The following METRNL variants were observed in gnomAD, a reference collection of about 807,000 sequenced individuals.
The protein encoded by METRNL is meteorin like, glial cell differentiation regulator.
A neutral mutation model predicts 17.4 loss-of-function variants in METRNL; 9 were observed. The ratio of observed to expected loss-of-function variants is 0.52; its 90% CI spans 0.31 to 0.90. The LOEUF is 0.90. METRNL is among the 40% of genes least tolerant of loss of function. The pLI is 0.05. For synonymous variants in METRNL, 215 were observed against 199.3 expected (o/e 1.08, Z -0.66); for missense variants, 408 against 430.7 (o/e 0.95, Z 0.47).
chr17:83,082,338 T>C, intron 1 of METRNL: 1 of 840,880 alleles, frequency 1.2e-6, no homozygotes, highest in South Asian at 5.4e-5. Context: ...GTGTGTGGGC[T>C]GGTGCCTCAA....
chr17:83,091,491 G>A (rs2038136282), intron 2 of METRNL, among the ~76,000 whole-genome samples: 1 of 152,240 alleles, frequency 6.6e-6, no homozygotes, highest in Non-Finnish European at 1.5e-5. Context: ...ACATGTGCAG[G>A]CCCTGAGGGT....
intron 2 of METRNL, among the ~76,000 whole-genome samples, chr17:83,092,722 C>T (rs1284825328): frequency 6.6e-6 from 1 of 152,158 alleles, no homozygotes; most frequent in Non-Finnish European, 1.5e-5. Context: ...TTCGGTTCAG[C>T]CCCAGTGGGC....
chr17:83,090,987 G>A lies in METRNL; in HGVS notation c.557-2180G>A, dbSNP rs1239699914. On this transcript the variant is annotated intron_variant, in intron 2 of 3. Coordinates refer to ENST00000320095, the MANE Select transcript of METRNL (RefSeq NM_001004431.3). ...TAGGTGAACTAAGTGTCAAGGGTGG[G>A]CCACACCCCGGGGCCCCCATAGGAG... is the stretch of plus-strand genomic sequence containing the variant. Among the ~76,000 whole-genome samples, 10 of 152,276 alleles carry A rather than the reference G, an allele frequency of 6.6e-5. No homozygotes were observed. The East Asian group carries it at 9.7e-4, about 15-fold the overall frequency.
At chr17:83,081,977 G>A in intron 1 of METRNL, 1 of 559,430 alleles carries the variant, frequency 1.8e-6, no homozygotes, top group Non-Finnish European at 2.3e-6. Context: ...CTGGTGTGCT[G>A]GGTGGATTCT....
chr17:83,092,579 GCGAC>G (rs2038151799), intron 2 of METRNL: 9 of 118,016 alleles, frequency 7.6e-5, no homozygotes, highest in African/African-American at 2.3e-4. Flanking sequence ...TGGGTTGGGG[GCGAC>G]TCTGGGAGGT....
At chr17:83,093,734 G>A (rs1452692675) in intron 3 of METRNL, among the ~76,000 whole-genome samples, 2 of 152,156 alleles carry the variant, frequency 1.3e-5, no homozygotes, top group South Asian at 4.1e-4. Context: ...CGCCCTGTGG[G>A]AAAGGTTTGG....
chr17:83,092,604 CCGGCGCCG>C (rs2038152241), intron 2 of METRNL: 1 of 57,928 alleles, frequency 1.7e-5, no homozygotes, highest in Admixed American at 2.0e-4. Flanking sequence ...GGGGGTGCTC[CCGGCGCCG>C]TGGGCTGTGG....
chr17:83,089,996 T>TCGGC (rs1208202651), intron 2 of METRNL, among the ~76,000 whole-genome samples: 1 of 151,716 alleles, frequency 6.6e-6, no homozygotes, highest in East Asian at 1.9e-4. Context: ...ATCCTCCCCC[T>TCGGC]CGGCCGTCCG....
rs140157949 is a variant in METRNL, at chr17:83,082,295, C to T, written c.170+2310C>T. 1,497 of 979,978 alleles carry T rather than the reference C, an allele frequency of 1.5e-3. 10 individuals carry two copies. The African/African-American group carries it at 0.02, about 13-fold the overall frequency. 60.7% of individuals were successfully genotyped at this position (979,978 alleles called of 1,614,324 possible). A position where few individuals can be genotyped will look rare whatever the true frequency, so the allele number is the denominator to read the frequency against. ...GCCCTTCCTGACTTTCATACAGGAG[C>T]CGGGCATTTTGTCCTGGTGACCCAG... On this transcript the variant is annotated intron_variant, in intron 1 of 3. Coordinates refer to ENST00000320095, the MANE Select transcript of METRNL (RefSeq NM_001004431.3).
intron 1 of METRNL, chr17:83,084,496 C>G (rs1005965596): frequency 1.2e-5 from 2 of 172,226 alleles, no homozygotes; most frequent in Non-Finnish European, 2.5e-5. Context: ...TGTGATACTC[C>G]GTGATATTCT....
At chr17:83,088,058 G>A (rs544741133) in intron 2 of METRNL, among the ~76,000 whole-genome samples, 31 of 152,324 alleles carry the variant, frequency 2.0e-4, no homozygotes, top group Middle Eastern at 3.4e-3. Context: ...AGAGTTGGCC[G>A]GAACACGGGG....
chr17:83,082,748 T>C (rs914566791), intron 1 of METRNL, among the ~76,000 whole-genome samples: 1 of 152,250 alleles, frequency 6.6e-6, no homozygotes, highest in Non-Finnish European at 1.5e-5. Context: ...GCACTCGATT[T>C]TCTGGTAGGA....
chr17:83,094,305 C>T lies in METRNL; in HGVS notation c.666C>T (p.Asp222=). 7 of 1,594,622 alleles carry T rather than the reference C, an allele frequency of 4.4e-6. No homozygotes were observed. The highest frequency in any genetic ancestry group is 6.0e-6 in the Non-Finnish European group (7 of 1,165,650). The change falls in exon 4 of 4, where the codon GAC becomes GAT. Residue 222 remains aspartate, a synonymous_variant. Coordinates refer to ENST00000320095, the MANE Select transcript of METRNL (RefSeq NM_001004431.3). ...TTACCCACGAGCCTGAGCGGCAGGA[C>T]TCAGCCATCCACCTGCGCGTGAGCA... ...QQVTHEPERQ[D]SAIHLRVSRL...
rs4072444 is a variant in METRNL at position 83,090,957 on chromosome 17, C to T, written c.557-2210C>T. ...CCCAGCCGGCGAGTGGGATGGGGGT[C>T]CACATAGGTGAACTAAGTGTCAAGG... On this transcript the variant is annotated intron_variant, in intron 2 of 3. Coordinates refer to ENST00000320095, the MANE Select transcript of METRNL (RefSeq NM_001004431.3). Among the ~76,000 whole-genome samples, 656 of 152,286 alleles carry T rather than the reference C, an allele frequency of 4.3e-3. 2 individuals carry two copies. The highest frequency in any genetic ancestry group is 0.023 in the South Asian group (109 of 4,828).
Position 83,094,465 on chromosome 17 carries a change from C to G in METRNL, c.826C>G (p.His276Asp), listed in dbSNP as rs757845529. Residue 276 changes from histidine (H) to aspartate (D), a missense_variant, in exon 4 of 4, where the codon CAC (histidine) becomes GAC (aspartate). Transcript: ENST00000320095. The stretch of plus-strand genomic sequence containing the variant: ...CGACTTCCTCTTCACTGGCCACATG[C>G]ACTTCGGGGAGGCGCGGCTCGGCTG... The part of the protein sequence containing the change: ...HGDFLFTGHM[H>D]FGEARLGCAP... The G allele has an allele frequency of 6.3e-7, 1 of 1,590,234 alleles. No individual in the cohort carries two copies. Among genetic ancestry groups the G allele is most frequent in the Non-Finnish European group, 8.6e-7 (1 of 1,162,892 alleles).
intron 2 of METRNL, among the ~76,000 whole-genome samples, chr17:83,089,079 C>CTA (rs72138161): frequency 0.47 from 71,010 of 151,832 alleles, 17,011 homozygotes; most frequent in East Asian, 0.68. Flanking sequence ...AGGGCAGGGG[C>CTA]TATGGGGCCA....
intron 1 of METRNL, chr17:83,082,381 T>G: frequency 2.5e-6 from 1 of 393,530 alleles, no homozygotes; most frequent in Non-Finnish European, 3.5e-6. Context: ...CCCCCTTCAG[T>G]GAGTCCCTTT....
At chr17:83,087,596 A>C (rs1188405241) in intron 2 of METRNL, among the ~76,000 whole-genome samples, 1 of 152,182 alleles carries the variant, frequency 6.6e-6, no homozygotes, top group Non-Finnish European at 1.5e-5. Context: ...ATGCTGCAGG[A>C]ATGGGTACAT....
In METRNL at chr17:83,094,701, C is replaced by G; in HGVS notation, c.*126C>G. ...GCATGCCCTGGGCCCAGGCCTGACC[C>G]TGGTACCGAAGCTGTGGACGTTCTC... On this transcript the variant is annotated 3_prime_UTR_variant, in exon 4 of 4. Transcript: ENST00000320095. 1 of 696,384 alleles carries G rather than the reference C, an allele frequency of 1.4e-6. No homozygotes were observed. 43.1% of individuals were successfully genotyped at this position (696,384 alleles called of 1,614,324 possible).
Sources: allele counts gnomAD v4.1 joint callset (sites outside exome capture counted in the v4.1 genomes callset), GRCh38; gene constraint gnomAD v4.1.1; transcripts MANE v1.5; gene names NCBI Gene and HGNC (gene_info 2026-07-23, HGNC 2026-07-21).